Variants in MYPN observed in about 807,000 individuals in gnomAD.
MYPN encodes the protein myopalladin, also known as sarcomeric protein myopalladin, 145 kDa (MYOP).
In MYPN, 63 loss-of-function variants were observed where a neutral mutation model predicts 129.4. The observed-to-expected ratio is 0.49, with a 90% CI of 0.40 to 0.60. The LOEUF is 0.60. Among genes scored for constraint, MYPN ranks in the 20% least tolerant of loss-of-function variants. The pLI is 0.00. For missense variants in MYPN, 1,596 were observed against 1,635.4 expected, an observed-to-expected ratio of 0.98 and a Z score of 0.42; for synonymous variants, 629 against 600.9, an observed-to-expected ratio of 1.05 and a Z score of -0.68.
intron 2 of MYPN, among the ~76,000 whole-genome samples, chr10:68,128,237 A>G (rs571307648): frequency 6.6e-6 from 1 of 152,354 alleles, no homozygotes; most frequent in Non-Finnish European, 1.5e-5. Flanking sequence ...CCTGTATCCC[A>G]GCTCCAAATT....
intron 5 of MYPN, among the ~76,000 whole-genome samples, chr10:68,149,228 C>T (rs558689878): frequency 3.3e-5 from 5 of 151,964 alleles, no homozygotes; most frequent in Non-Finnish European, 5.9e-5. Context: ...TCCTCCCACT[C>T]CCCCCCGAAA....
chr10:68,210,179 C>T, intron 19 of MYPN, 107 bp from the exon 20 acceptor site: 1 of 1,307,074 alleles, frequency 7.7e-7, no homozygotes, highest in South Asian at 1.3e-5. Context: ...ATATGCTTTA[C>T]CAAGAATGCT....
intron 2 of MYPN, among the ~76,000 whole-genome samples, chr10:68,126,728 A>T (rs953013145): frequency 3.3e-5 from 5 of 152,176 alleles, no homozygotes; most frequent in African/African-American, 1.2e-4. Flanking sequence ...TCCAGCATGG[A>T]CTGAGATAAG....
chr10:68,183,893 A>C (rs1432588651), intron 12 of MYPN, among the ~76,000 whole-genome samples: 1 of 152,300 alleles, frequency 6.6e-6, no homozygotes, highest in African/African-American at 2.4e-5. Context: ...ATGATGGTGC[A>C]TACCTGTGGT....
chr10:68,187,266 A>G (rs1283536455), intron 12 of MYPN, among the ~76,000 whole-genome samples: 1 of 149,472 alleles, frequency 6.7e-6, no homozygotes, highest in Non-Finnish European at 1.5e-5. Context: ...CAGCCACTGC[A>G]CTCCAGCCTG....
chr10:68,189,098 G>C lies in MYPN; in HGVS notation c.2897G>C (p.Cys966Ser), dbSNP rs749898035. ...GAAGGCTCTCCAGTTACATTCACCT[G>C]CAAAATTGTTGGGATACCTGTTCCA... The part of the protein sequence containing the change: ...VTEGSPVTFT[C>S]KIVGIPVPKV... Residue 966 changes from cysteine (C) to serine (S), a missense_variant, in exon 13 of 20, where the codon TGC becomes TCC. Transcript: ENST00000358913. 1.2e-6 allele frequency: 2 copies of C among 1,614,086 alleles called. No homozygotes were observed. The highest frequency in any genetic ancestry group is 8.5e-7 in the Non-Finnish European group (1 of 1,179,972).
intron 2 of MYPN, among the ~76,000 whole-genome samples, chr10:68,137,544 G>A (rs1015234003): frequency 1.3e-5 from 2 of 152,016 alleles, no homozygotes; most frequent in African/African-American, 4.8e-5. Context: ...ATCACGCATT[G>A]GTCATCAGGA....
At chr10:68,095,322 CT>C (rs1426541768) in intron 1 of MYPN, among the ~76,000 whole-genome samples, 1 of 147,414 alleles carries the variant, frequency 6.8e-6, no homozygotes, top group East Asian at 2.0e-4. Flanking sequence ...TACACTCCAG[CT>C]TGGGTGACAG....
In MYPN at chr10:68,203,923, T is replaced by G. The variant is rs112335394; in HGVS notation, c.3659+1929T>G. ...TTTCATGTCCCTGCCTTCTCTCACC[T>G]ATATACCTCTGCTCAGGACATTCCT... On this transcript the variant is annotated intron_variant, in intron 18 of 19. Coordinates refer to ENST00000358913, the MANE Select transcript of MYPN (RefSeq NM_032578.4). Among the ~76,000 whole-genome samples, 16 of 152,324 alleles carry G rather than the reference T, an allele frequency of 1.1e-4. 2 individuals are homozygous for G. Among genetic ancestry groups the G allele is most frequent in the African/African-American group, 3.8e-4 (16 of 41,572 alleles).
At chr10:68,172,096 GTAATT>G (rs2043153212) in intron 10 of MYPN, among the ~76,000 whole-genome samples, 1 of 152,196 alleles carries the variant, frequency 6.6e-6, no homozygotes, top group Non-Finnish European at 1.5e-5. Flanking sequence ...GCGCTTGCCT[GTAATT>G]CTAGCACTTT....
chr10:68,208,296 G>A (rs914707759), intron 19 of MYPN, among the ~76,000 whole-genome samples: 3 of 152,158 alleles, frequency 2.0e-5, no homozygotes, highest in Non-Finnish European at 4.4e-5. Context: ...TGGTTGCATA[G>A]CAGGTATTCC....
At chr10:68,105,224 A>G (rs2042003090), upstream of MYPN, among the ~76,000 whole-genome samples, 1 of 152,226 alleles carries the variant, frequency 6.6e-6, no homozygotes, top group Non-Finnish European at 1.5e-5. Flanking sequence ...GACCTTGGGC[A>G]AGTTTTAAAC....
At position 68,158,608 on chromosome 10, in the gene MYPN, T is replaced by C. The variant is rs1230149474; in HGVS notation, c.1440T>C (p.Asp480=). ...GGACTTTAATAGAAGATTCTCCAGA[T>C]TTTAGGATTTTACAGAAAAGTAAGT... ...REGTLIEDSP[D]FRILQKKPRS... is the part of the protein sequence containing the mutation. The change falls in exon 7 of 20, where the codon GAT becomes GAC. Residue 480 remains aspartate (D), a synonymous_variant. Transcript: ENST00000358913. 1.3e-6 allele frequency: 2 copies of C among 1,595,886 alleles called. No homozygotes were observed. The highest frequency in any genetic ancestry group is 2.7e-5 in the African/African-American group (2 of 74,412).
intron 18 of MYPN, among the ~76,000 whole-genome samples, chr10:68,203,748 T>C (rs893548422): frequency 1.1e-5 from 1 of 87,684 alleles, no homozygotes. Context: ...GAGAGAGAGA[T>C]ACAGTTGCTC....
chr10:68,091,022 T>C (rs2041928683), intron 1 of MYPN, among the ~76,000 whole-genome samples: 1 of 152,212 alleles, frequency 6.6e-6, no homozygotes, highest in Admixed American at 6.5e-5. Flanking sequence ...GAATTCCAAT[T>C]TGTTAATTTA....
At chr10:68,089,768 G>A (rs868772073) in intron 1 of MYPN, among the ~76,000 whole-genome samples, 1 of 152,140 alleles carries the variant, frequency 6.6e-6, no homozygotes, top group Non-Finnish European at 1.5e-5. Context: ...TCCAGTCTCT[G>A]TTTTCAGTGA....
intron 6 of MYPN, among the ~76,000 whole-genome samples, chr10:68,156,607 T>C (rs1403637955): frequency 1.3e-5 from 2 of 152,072 alleles, no homozygotes; most frequent in African/African-American, 4.8e-5. Flanking sequence ...ATCCCTGAGG[T>C]GAAAGTCTCT....
chr10:68,130,096 G>A (rs965687604), intron 2 of MYPN, among the ~76,000 whole-genome samples: 1 of 152,074 alleles, frequency 6.6e-6, no homozygotes, highest in Non-Finnish European at 1.5e-5. Context: ...TGAAGGGCCT[G>A]TTTACATCTT....
intron 2 of MYPN, among the ~76,000 whole-genome samples, chr10:68,129,008 T>C (rs1339118940): frequency 6.6e-6 from 1 of 152,078 alleles, no homozygotes; most frequent in Admixed American, 6.5e-5. Context: ...CTCTCTCTTT[T>C]TTTTTTAATG....
Sources: allele counts gnomAD v4.1 joint callset (sites outside exome capture counted in the v4.1 genomes callset), GRCh38; gene constraint gnomAD v4.1.1; transcripts MANE v1.5; gene names NCBI Gene and HGNC (gene_info 2026-07-23, HGNC 2026-07-21).